Variants in TOMM20L observed in about 807,000 individuals in gnomAD.
TOMM20L encodes the protein translocase of outer mitochondrial membrane 20 like, also known as TOMM20-like protein 1.
A neutral mutation model predicts 20.4 loss-of-function variants in TOMM20L; 19 were observed. The ratio of observed to expected loss-of-function variants is 0.93; its 90% CI spans 0.65 to 1.36. The LOEUF is 1.36. Ranked by LOEUF, TOMM20L falls within the 40% of genes most tolerant of loss-of-function variation. The pLI, the probability that TOMM20L is intolerant of heterozygous loss-of-function variation, is 0.00. For missense variants in TOMM20L, 218 were observed against 203.7 expected (o/e 1.07, Z -0.43); for synonymous variants, 75 against 79.6 (o/e 0.94, Z 0.30).
chr14:58,411,587 T>C (rs2036218213), downstream of TOMM20L, among the ~76,000 whole-genome samples: 1 of 151,980 alleles, frequency 6.6e-6, no homozygotes, highest in Admixed American at 6.5e-5. Flanking sequence ...TCACCCAGGC[T>C]GGAGTGCAAT....
intron 2 of TOMM20L, among the ~76,000 whole-genome samples, chr14:58,399,491 A>G (rs1198604962): frequency 6.6e-6 from 1 of 152,138 alleles, no homozygotes; most frequent in Non-Finnish European, 1.5e-5. Flanking sequence ...TTGATTCAGT[A>G]GGTCTGGGTG....
intron 3 of TOMM20L, among the ~76,000 whole-genome samples, chr14:58,404,099 G>GTGTGTGTGTA (rs1408980666): frequency 4.4e-5 from 1 of 22,944 alleles, no homozygotes; most frequent in Admixed American, 9.3e-4. Flanking sequence ...ACATATATAT[G>GTGTGTGTGTA]TATATATATA....
chr14:58,396,280 G>T lies in TOMM20L; in HGVS notation c.137-18G>T. ...TGGACGGGCCTCCCAGCCAGCATGT[G>T]CCGTGTTGTGTTCGCAGAAAGAAGA... On this transcript the variant is annotated intron_variant, in intron 1 of 4. Coordinates refer to ENST00000360945, the MANE Select transcript of TOMM20L (RefSeq NM_207377.3). 1 of 1,612,908 alleles carries T rather than the reference G, an allele frequency of 6.2e-7. No individual in the cohort carries two copies. Among genetic ancestry groups the T allele is most frequent in the Non-Finnish European group, 8.5e-7 (1 of 1,179,752 alleles).
chr14:58,411,563 G>T (rs1207420578), downstream of TOMM20L, among the ~76,000 whole-genome samples: 3 of 150,056 alleles, frequency 2.0e-5, no homozygotes, highest in African/African-American at 4.9e-5. Flanking sequence ...TTTTTGAGAT[G>T]GAGTCTTGCT....
intron 1 of TOMM20L, 60 bp downstream of exon 1, chr14:58,396,153 G>C (rs1025751018): frequency 7.8e-7 from 1 of 1,281,038 alleles, no homozygotes; most frequent in African/African-American, 1.6e-5. Context: ...GCTGCCGGCC[G>C]GGAGGGCCCC....
downstream of TOMM20L, among the ~76,000 whole-genome samples, chr14:58,413,648 A>G (rs946800570): frequency 4.6e-5 from 7 of 152,214 alleles, no homozygotes; most frequent in African/African-American, 1.7e-4. Flanking sequence ...AAGAATGTGT[A>G]TAACATTATT....
intron 3 of TOMM20L, among the ~76,000 whole-genome samples, chr14:58,406,362 T>C (rs1418500131): frequency 1.3e-5 from 2 of 152,238 alleles, no homozygotes; most frequent in Non-Finnish European, 2.9e-5. Context: ...TTAATACAAA[T>C]CTTTGGAAAG....
intron 3 of TOMM20L, 85 bp downstream of exon 3, chr14:58,402,846 T>A: frequency 1.9e-6 from 2 of 1,026,994 alleles, no homozygotes; most frequent in Non-Finnish European, 3.0e-6. Flanking sequence ...GTCAAATAAC[T>A]AGCTGGATGT....
downstream of TOMM20L, chr14:58,409,007 A>C: frequency 6.3e-7 from 1 of 1,593,968 alleles, no homozygotes; most frequent in Non-Finnish European, 8.5e-7. Context: ...GCAATCTTTC[A>C]TCAAAAGTTC....
downstream of TOMM20L, chr14:58,408,874 G>T: frequency 1.0e-6 from 1 of 997,250 alleles, no homozygotes; most frequent in Non-Finnish European, 1.4e-6. Flanking sequence ...CTGGTAAATA[G>T]CAATTTTGTT....
chr14:58,409,846 G>A (rs1278143574), downstream of TOMM20L, among the ~76,000 whole-genome samples: 1 of 152,112 alleles, frequency 6.6e-6, no homozygotes, highest in African/African-American at 2.4e-5. Context: ...CCAATGTGCT[G>A]AAGTTCCAGG....
downstream of TOMM20L, among the ~76,000 whole-genome samples, chr14:58,409,750 T>C (rs556854657): frequency 9.2e-5 from 14 of 152,134 alleles, no homozygotes; most frequent in African/African-American, 3.4e-4. Context: ...GGCTAATTTT[T>C]TGTATTTTTA....
chr14:58,409,301 G>T, downstream of TOMM20L: 4 of 951,382 alleles, frequency 4.2e-6, no homozygotes, highest in Non-Finnish European at 6.1e-6. Flanking sequence ...GTACTAATTG[G>T]CAGCAACTGA....
chr14:58,411,038 T>C (rs1156588244), downstream of TOMM20L: 3 of 772,944 alleles, frequency 3.9e-6, no homozygotes, highest in Non-Finnish European at 6.5e-6. Flanking sequence ...AAATATACTA[T>C]AACACTTGAA....
intron 2 of TOMM20L, among the ~76,000 whole-genome samples, chr14:58,402,208 A>G (rs1288378830): frequency 1.3e-5 from 2 of 152,124 alleles, no homozygotes; most frequent in African/African-American, 2.4e-5. Context: ...ATTTTAGAAA[A>G]TTGGTTTAAA....
At chr14:58,397,626 T>C (rs1566741198) in intron 2 of TOMM20L, among the ~76,000 whole-genome samples, 1 of 152,066 alleles carries the variant, frequency 6.6e-6, no homozygotes, top group Non-Finnish European at 1.5e-5. Flanking sequence ...AGATGCAAAG[T>C]GGGGCATCTG....
At chr14:58,412,002 A>C (rs2036236141), downstream of TOMM20L, 1 of 1,523,534 alleles carries the variant, frequency 6.6e-7, no homozygotes, top group South Asian at 1.1e-5. Flanking sequence ...AAGTTTGTCA[A>C]TCTATAAACA....
chr14:58,412,022 AGTCT>A, downstream of TOMM20L: 1 of 1,395,418 alleles, frequency 7.2e-7, no homozygotes, highest in East Asian at 2.3e-5. Flanking sequence ...AAATGTTTTT[AGTCT>A]AACTGAAGAG....
At chr14:58,411,582 C>T (rs1263349697), downstream of TOMM20L, among the ~76,000 whole-genome samples, 3 of 151,962 alleles carry the variant, frequency 2.0e-5, no homozygotes, top group African/African-American at 7.3e-5. Flanking sequence ...CTCTGTCACC[C>T]AGGCTGGAGT....
Sources: gnomAD v4.1 joint callset for allele counts (sites outside exome capture counted in the v4.1 genomes callset) on GRCh38, gnomAD v4.1.1 for gene constraint, MANE v1.5 for transcripts, NCBI Gene and HGNC (gene_info 2026-07-23, HGNC 2026-07-21) for gene names.